Variants in AATF observed in about 807,000 individuals in gnomAD.
The protein encoded by AATF is protein AATF.
Under a neutral mutation model 63.7 loss-of-function variants are expected in AATF, and 48 were observed. That is an observed-to-expected ratio of 0.75 (90% confidence interval 0.60 to 0.96). AATF has a LOEUF of 0.96. Among genes scored for constraint, AATF ranks in the 40% least tolerant of loss-of-function variants. The pLI, the probability that AATF is intolerant of heterozygous loss-of-function variation, is 0.00. For missense variants in AATF, 639 were observed against 685.7 expected, an observed-to-expected ratio of 0.93 and a Z score of 0.76; for synonymous variants, 258 against 247.7, an observed-to-expected ratio of 1.04 and a Z score of -0.39.
chr17:36,953,556 GGGT>G (rs1257270256), intron 3 of AATF, among the ~76,000 whole-genome samples: 2 of 152,088 alleles, frequency 1.3e-5, no homozygotes, highest in Non-Finnish European at 2.9e-5. Context: ...TCCTCTCCTT[GGGT>G]TTTAGCATTC....
At chr17:37,023,155 T>A (rs2071485829) in intron 10 of AATF, among the ~76,000 whole-genome samples, 1 of 152,136 alleles carries the variant, frequency 6.6e-6, no homozygotes, top group South Asian at 2.1e-4. Flanking sequence ...GGTGATATGA[T>A]TTTGGTTGTT....
intron 11 of AATF, among the ~76,000 whole-genome samples, chr17:37,048,482 C>T (rs1222865421): frequency 2.6e-5 from 4 of 150,960 alleles, no homozygotes; most frequent in African/African-American, 4.9e-5. Context: ...GTGATTTTCC[C>T]GGCTCAGCCT....
At chr17:36,968,432 G>A (rs992827381) in intron 4 of AATF, among the ~76,000 whole-genome samples, 3 of 149,444 alleles carry the variant, frequency 2.0e-5, no homozygotes, top group Non-Finnish European at 4.5e-5. Context: ...ACGCCACCAC[G>A]CCTAACTAAT....
At chr17:37,025,760 C>T (rs2071506292) in intron 10 of AATF, among the ~76,000 whole-genome samples, 1 of 152,012 alleles carries the variant, frequency 6.6e-6, no homozygotes, top group Non-Finnish European at 1.5e-5. Flanking sequence ...TTTTGGAATC[C>T]AGTTGTAAAG....
intron 4 of AATF, among the ~76,000 whole-genome samples, chr17:36,982,277 A>G (rs2071132367): frequency 6.9e-6 from 1 of 144,896 alleles, no homozygotes; most frequent in Non-Finnish European, 1.5e-5. Context: ...AGCATTATAG[A>G]TGACTCTTTT....
chr17:37,035,946 CAG>C (rs907697989), intron 11 of AATF, among the ~76,000 whole-genome samples: 49 of 151,454 alleles, frequency 3.2e-4, no homozygotes, highest in African/African-American at 1.0e-3. Flanking sequence ...TTTCTTGAGA[CAG>C]GGTCTCACTG....
intron 11 of AATF, among the ~76,000 whole-genome samples, chr17:37,046,545 T>C (rs765786483): frequency 1.1e-4 from 16 of 152,106 alleles, no homozygotes; most frequent in Non-Finnish European, 1.9e-4. Context: ...TTTGCTCACT[T>C]ACTAGTTACT....
chr17:37,042,733 C>CT (rs200304881), intron 11 of AATF, among the ~76,000 whole-genome samples: 218 of 137,286 alleles, frequency 1.6e-3, no homozygotes, highest in East Asian at 5.7e-3. Context: ...TTAATTTTTT[C>CT]TTTCTTTTTT....
rs753259518 is a variant in AATF, at chr17:36,953,807, A to C, written c.732A>C (p.Leu244=). Residue 244 remains leucine (L), a synonymous_variant, in exon 4 of 12, where the codon CTA becomes CTC. Coordinates refer to ENST00000619387, the MANE Select transcript of AATF (RefSeq NM_012138.4). Reference sequence around the variant, plus strand: ...AGCTCTTGGAAGGAAGGATCAAACTACAAAAAGCTCTGTTGACCACCAACC... The same window carrying C: ...AGCTCTTGGAAGGAAGGATCAAACTCCAAAAAGCTCTGTTGACCACCAACC... ...WDQLLEGRIK[L]QKALLTTNQL... 2.5e-6 allele frequency: 4 copies of C among 1,614,132 alleles called. No homozygotes were observed. The highest frequency in any genetic ancestry group is 3.4e-6 in the Non-Finnish European group (4 of 1,180,016).
At chr17:36,996,487 G>T (rs2071256119) in intron 8 of AATF, among the ~76,000 whole-genome samples, 1 of 152,154 alleles carries the variant, frequency 6.6e-6, no homozygotes, top group African/African-American at 2.4e-5. Flanking sequence ...ATGGAATTAG[G>T]TTTCTTGGGG....
At chr17:36,989,551 G>GT (rs2071197382) in intron 7 of AATF, 140 bp downstream of exon 7, 3 of 845,356 alleles carry the variant, frequency 3.5e-6, no homozygotes, top group South Asian at 3.6e-5. Context: ...GGATTACTGA[G>GT]AGAAACTTGA....
chr17:36,964,660 A>G (rs2142216594), intron 4 of AATF, among the ~76,000 whole-genome samples: 1 of 152,246 alleles, frequency 6.6e-6, no homozygotes, highest in South Asian at 2.1e-4. Flanking sequence ...GAATATTCCT[A>G]GTTTAGTTCA....
chr17:36,969,138 T>G (rs991853542), intron 4 of AATF, among the ~76,000 whole-genome samples: 4 of 152,246 alleles, frequency 2.6e-5, no homozygotes, highest in African/African-American at 9.6e-5. Flanking sequence ...GGGCTTTTTG[T>G]CTATGGTTTC....
chr17:37,048,867 A>G (rs1480320008), intron 11 of AATF, among the ~76,000 whole-genome samples: 1 of 152,222 alleles, frequency 6.6e-6, no homozygotes, highest in Non-Finnish European at 1.5e-5. Context: ...GATACCGAGT[A>G]GGATGAATTT....
chr17:36,969,290 T>G (rs2071020899), intron 4 of AATF, among the ~76,000 whole-genome samples: 1 of 152,196 alleles, frequency 6.6e-6, no homozygotes, highest in Non-Finnish European at 1.5e-5. Flanking sequence ...TGGGTAGGCT[T>G]GGGGATCTAG....
intron 11 of AATF, among the ~76,000 whole-genome samples, chr17:37,049,265 A>G (rs991923087): frequency 7.2e-5 from 11 of 152,100 alleles, no homozygotes; most frequent in Admixed American, 1.3e-4. Context: ...TTAACTATTC[A>G]AGATTTCTAT....
At chr17:37,050,163 A>G (rs1481377024) in intron 11 of AATF, among the ~76,000 whole-genome samples, 2 of 152,098 alleles carry the variant, frequency 1.3e-5, no homozygotes, top group African/African-American at 4.8e-5. Flanking sequence ...CTGGCTTTAG[A>G]GGGACAAGAG....
chr17:37,019,742 C>T (rs1020407921), intron 9 of AATF, among the ~76,000 whole-genome samples: 1 of 152,164 alleles, frequency 6.6e-6, no homozygotes, highest in African/African-American at 2.4e-5. Context: ...CTAGGCAGAG[C>T]AGCCATTCGA....
At chr17:36,969,124 G>A (rs1229695143) in intron 4 of AATF, among the ~76,000 whole-genome samples, 1 of 152,146 alleles carries the variant, frequency 6.6e-6, no homozygotes, top group Non-Finnish European at 1.5e-5. Context: ...TTGTATGTTG[G>A]ATGGGGCTTT....
Sources: gnomAD v4.1 joint callset for allele counts (sites outside exome capture counted in the v4.1 genomes callset) on GRCh38, gnomAD v4.1.1 for gene constraint, MANE v1.5 for transcripts, NCBI Gene and HGNC (gene_info 2026-07-23, HGNC 2026-07-21) for gene names.